The following ADCY3 variants were observed in gnomAD, a reference collection of about 807,000 sequenced individuals.
The protein encoded by ADCY3 is adenylate cyclase 3.
ADCY3 carries 70 observed loss-of-function variants against 119.4 expected under a neutral mutation model. That is an observed-to-expected ratio of 0.59 (90% CI 0.48 to 0.72). The LOEUF is 0.72. Ranked by LOEUF, ADCY3 falls within the 30% of genes least tolerant of loss-of-function variation. The pLI, the probability that ADCY3 is intolerant of heterozygous loss-of-function variation, is 0.00. For synonymous variants in ADCY3, 672 were observed against 621.4 expected, an observed-to-expected ratio of 1.08 and a Z score of -1.21; for missense variants, 1,238 against 1,541.6, an observed-to-expected ratio of 0.80 and a Z score of 3.30.
chr2:24,840,397 C>A (rs1427100923), intron 6 of ADCY3: 3 of 396,050 alleles, frequency 7.6e-6, no homozygotes, highest in African/African-American at 6.2e-5. Flanking sequence ...AAGAAAATAG[C>A]CGTGAACAGC....
In ADCY3 at chr2:24,856,287, CTGTT is replaced by C. The variant is rs769456775; in HGVS notation, c.826-13907_826-13904del. On this transcript the variant is annotated intron_variant, in intron 3 of 21. Coordinates refer to ENST00000679454, the MANE Select transcript of ADCY3 (RefSeq NM_004036.5). ...TCTGCATGAGGTATGTATATGAAGT[CTGTT>C]TGTCTGTAGGGTAGGTGTGTCCATG... Among the ~76,000 whole-genome samples the C allele has an allele frequency of 5.9e-4, 90 of 152,296 alleles. 1 individual carries two copies. The highest frequency in any genetic ancestry group is 8.7e-4 in the Non-Finnish European group (59 of 68,022).
intron 13 of ADCY3, 102 bp downstream of exon 13, chr2:24,830,607 A>C (rs1669351742): frequency 1.2e-6 from 1 of 831,364 alleles, no homozygotes; most frequent in African/African-American, 1.7e-5. Flanking sequence ...AAGCTACATG[A>C]CGGTGGAGGG....
intron 16 of ADCY3, chr2:24,825,786 T>C (rs1268596818): frequency 1.9e-6 from 1 of 522,812 alleles, no homozygotes; most frequent in African/African-American, 1.9e-5. Flanking sequence ...GCCTTCACTC[T>C]ATCCCCTCCC....
intron 2 of ADCY3, among the ~76,000 whole-genome samples, chr2:24,892,478 C>T (rs1268521309): frequency 6.6e-6 from 1 of 152,172 alleles, no homozygotes; most frequent in African/African-American, 2.4e-5. Context: ...GTCTCGATCT[C>T]CTGACCTCGT....
rs11308691 is a variant in ADCY3, at chr2:24,823,690, CTT to C, written c.2737-337_2737-336del. Among the ~76,000 whole-genome samples the C allele has an allele frequency of 7.3e-3, 971 of 132,612 alleles. 1 individual carries two copies. Among genetic ancestry groups the C allele is most frequent in the South Asian group, 0.014 (56 of 4,084 alleles). 87.0% of individuals were successfully genotyped at this position (132,612 alleles called of 152,430 possible). A position where few individuals can be genotyped will look rare whatever the true frequency, so the allele number is the denominator to read the frequency against. ...ATAATTTAAAAATAGCTCATCGCTACTTTTTTTTTTTTTTTTTGAGAGATGGA... is the reference window on the plus strand; with the variant it reads ...ATAATTTAAAAATAGCTCATCGCTACTTTTTTTTTTTTTTTGAGAGATGGA... On this transcript the variant is annotated intron_variant, in intron 17 of 21. Transcript: ENST00000679454.
chr2:24,881,253 T>TCGGAG (rs1553356829), intron 2 of ADCY3, among the ~76,000 whole-genome samples: 1 of 151,504 alleles, frequency 6.6e-6, no homozygotes, highest in Non-Finnish European at 1.5e-5. Context: ...GCCAAAGCCA[T>TCGGAG]CCCAGCCCAG....
chr2:24,825,912 C>T, intron 16 of ADCY3, 133 bp downstream of exon 16: 2 of 817,694 alleles, frequency 2.4e-6, no homozygotes, highest in Non-Finnish European at 4.0e-6. Context: ...GTGGCCTGAC[C>T]AGGCTCACGT....
intron 2 of ADCY3, among the ~76,000 whole-genome samples, chr2:24,875,974 T>C (rs1675635858): frequency 1.5e-5 from 2 of 134,086 alleles, no homozygotes; most frequent in African/African-American, 6.6e-5. Context: ...GAAAGGAGTG[T>C]GGACTTCTTT....
intron 2 of ADCY3, among the ~76,000 whole-genome samples, chr2:24,910,661 C>CTTTT (rs59644324): frequency 3.8e-5 from 5 of 131,452 alleles, no homozygotes; most frequent in South Asian, 2.4e-4. Context: ...CTTTTCTTTT[C>CTTTT]TTTTTTTTTT....
chr2:24,912,568 CATGTGTGTGTGTGTGT>C (rs1558528765), intron 2 of ADCY3, among the ~76,000 whole-genome samples: 24 of 105,860 alleles, frequency 2.3e-4, no homozygotes, highest in African/African-American at 3.5e-4. Flanking sequence ...TGTGTGTGTG[CATGTGTGTGTGTGTGT>C]GCATGTGTGT....
intron 2 of ADCY3, among the ~76,000 whole-genome samples, chr2:24,875,793 G>A (rs1226177450): frequency 6.6e-6 from 1 of 152,204 alleles, no homozygotes; most frequent in African/African-American, 2.4e-5. Flanking sequence ...TGCTGAGGCA[G>A]GTGATGTCAC....
chr2:24,828,196 CAA>C (rs778518036), intron 13 of ADCY3, 35 bp from the exon 14 acceptor site: 2 of 1,607,428 alleles, frequency 1.2e-6, no homozygotes, highest in Admixed American at 1.7e-5. Context: ...GACACACGTT[CAA>C]GAGAACAGCA....
At chr2:24,856,588 C>A (rs1037113442) in intron 3 of ADCY3, among the ~76,000 whole-genome samples, 2 of 152,162 alleles carry the variant, frequency 1.3e-5, no homozygotes, top group African/African-American at 4.8e-5. Flanking sequence ...GAGGCCAGAG[C>A]CCAAACAGCT....
intron 16 of ADCY3, chr2:24,825,790 C>A: frequency 1.9e-6 from 1 of 528,408 alleles, no homozygotes; most frequent in Non-Finnish European, 3.4e-6. Flanking sequence ...TCACTCTATC[C>A]CCTCCCACCT....
rs1668806844 is a variant in ADCY3 at position 24,827,611 on chromosome 2, G to A, written c.2433-3C>T. On this transcript the variant is annotated splice_region_variant and splice_polypyrimidine_tract_variant and intron_variant, in intron 14 of 21. Coordinates refer to ENST00000679454, the MANE Select transcript of ADCY3 (RefSeq NM_004036.5). ...GCTCTAAGGCCACCATAGGTAAGCT[G>A]TTGGACAGATAACAGCACAGTCAGG... is the stretch of plus-strand genomic sequence containing the variant. 1.9e-6 allele frequency: 3 copies of A among 1,582,738 alleles called. No homozygotes were observed. The highest frequency in any genetic ancestry group is 1.8e-5 in the Admixed American group (1 of 57,100).
intron 17 of ADCY3, 114 bp from the exon 18 acceptor site, chr2:24,823,469 C>T: frequency 9.3e-7 from 1 of 1,072,926 alleles, no homozygotes. Context: ...TTTGGACTCA[C>T]ACATCAGTCA....
chr2:24,834,839 T>G lies in ADCY3; in HGVS notation c.1760A>C (p.Asn587Thr). ...AAGCAGGGCCTCGTTGAGCAGCTGG[T>G]TGAGCTCGTGCTCATCTTCAGAGGC... ...VDASEDEHELNQLLNEALLER... is the reference protein window; with the variant it reads ...VDASEDEHELTQLLNEALLER... Residue 587 changes from asparagine (N) to threonine (T), a missense_variant, in exon 10 of 22, where the codon AAC becomes ACC. By Grantham distance (65) the Asn-to-Thr change is moderately conservative. This residue lies in a region of ADCY3 where 499 missense variants were observed against 571.0 expected (regional missense o/e 0.87). Transcript: ENST00000679454. This position sits in a 1 kb window ranked among gnomAD's most constrained non-coding sequence, Gnocchi z 4.2. 2 of 1,613,978 alleles carry G rather than the reference T, an allele frequency of 1.2e-6. No individual in the cohort carries two copies. The highest frequency in any genetic ancestry group is 2.2e-5 in the South Asian group (2 of 91,072).
chr2:24,906,161 G>C (rs1679421223), intron 2 of ADCY3, among the ~76,000 whole-genome samples: 1 of 152,052 alleles, frequency 6.6e-6, no homozygotes, highest in African/African-American at 2.4e-5. Context: ...ACAAAAACTA[G>C]CCAGTCGTGG....
rs80087361 is a variant in ADCY3 at position 24,860,884 on chromosome 2, C to A, written c.825+11686G>T. On this transcript the variant is annotated intron_variant, in intron 3 of 21. Coordinates refer to ENST00000679454, the MANE Select transcript of ADCY3 (RefSeq NM_004036.5). The stretch of plus-strand genomic sequence containing the variant: ...AGCAGAGGAGGAAGCTGAGGCCCAG[C>A]GAGGAGACACCTGCTGGGACAGCCA... Among the ~76,000 whole-genome samples, 724 of 152,270 alleles carry A rather than the reference C, an allele frequency of 4.8e-3. 8 individuals carry two copies. The highest frequency in any genetic ancestry group is 0.017 in the African/African-American group (698 of 41,550).
Sources: allele counts gnomAD v4.1 joint callset (sites outside exome capture counted in the v4.1 genomes callset), GRCh38; gene constraint gnomAD v4.1.1; regional missense constraint gnomAD v4.1.1; non-coding constraint Gnocchi (gnomAD v3.1); transcripts MANE v1.5; gene names NCBI Gene and HGNC (gene_info 2026-07-23, HGNC 2026-07-21).